ST3GAL3: variants seen among roughly 807,000 people sequenced by gnomAD.
ST3GAL3 encodes the protein CMP-N-acetylneuraminate-beta-1,4-galactoside alpha-2,3-sialyltransferase.
A neutral mutation model predicts 50.1 loss-of-function variants in ST3GAL3; 21 were observed. The observed-to-expected ratio is 0.42, with a 90% CI of 0.30 to 0.60. ST3GAL3 has a LOEUF of 0.60. Ranked by LOEUF, ST3GAL3 falls within the 20% of genes least tolerant of loss-of-function variation. ST3GAL3 has a pLI of 0.19. For missense variants in ST3GAL3, 353 were observed against 489.4 expected, an observed-to-expected ratio of 0.72 and a Z score of 2.63; for synonymous variants, 183 against 190.0, an observed-to-expected ratio of 0.96 and a Z score of 0.30.
intron 9 of ST3GAL3, among the ~76,000 whole-genome samples, chr1:43,907,718 C>T (rs898173239): frequency 1.2e-4 from 19 of 152,322 alleles, no homozygotes; most frequent in African/African-American, 3.6e-4. Flanking sequence ...TCTCCCTTCA[C>T]CTTCTCAGGA....
intron 2 of ST3GAL3, among the ~76,000 whole-genome samples, chr1:43,753,898 C>T (rs1687087322): frequency 6.6e-6 from 1 of 152,160 alleles, no homozygotes; most frequent in Admixed American, 6.5e-5. Context: ...TGTACTCCCT[C>T]CCGCCCAGAT....
intron 2 of ST3GAL3, among the ~76,000 whole-genome samples, chr1:43,751,231 C>G (rs1389364361): frequency 6.6e-6 from 1 of 152,094 alleles, no homozygotes; most frequent in East Asian, 1.9e-4. Context: ...ACCTTTCATG[C>G]TGGCAAAGAG....
Position 43,899,225 on chromosome 1 carries a change from T to C in ST3GAL3, c.519T>C (p.Ser173=). The C allele has an allele frequency of 6.2e-7, 1 of 1,614,202 alleles. No homozygotes were observed. The highest frequency in any genetic ancestry group is 8.5e-7 in the Non-Finnish European group (1 of 1,180,032). The change falls in exon 8 of 12, where the codon TCT becomes TCC. Residue 173 remains serine, a synonymous_variant. Coordinates refer to ENST00000347631, the MANE Select transcript of ST3GAL3 (RefSeq NM_006279.5). This position sits in a 1 kb window ranked among gnomAD's most constrained non-coding sequence, Gnocchi z 5.4. The part of the protein sequence containing the change: ...VGNGGVLANK[S]LGSRIDDYDI... Reference sequence around the variant, plus strand: ...ATGGAGGCGTTCTTGCCAACAAGTCTCTGGGGTCACGAATTGACGACTATG... The same window carrying C: ...ATGGAGGCGTTCTTGCCAACAAGTCCCTGGGGTCACGAATTGACGACTATG...
intron 5 of ST3GAL3, among the ~76,000 whole-genome samples, chr1:43,893,510 C>A (rs991228432): frequency 8.6e-5 from 13 of 150,948 alleles, no homozygotes; most frequent in Non-Finnish European, 1.5e-4. Flanking sequence ...TCAATTCCTG[C>A]TGCACCTTCT....
chr1:43,807,852 T>C (rs1207911478), intron 3 of ST3GAL3, among the ~76,000 whole-genome samples: 1 of 152,172 alleles, frequency 6.6e-6, no homozygotes, highest in Non-Finnish European at 1.5e-5. Flanking sequence ...TTTGGGCAGC[T>C]GGGTGAAGAG....
chr1:43,805,374 T>C (rs1377130166), intron 3 of ST3GAL3, among the ~76,000 whole-genome samples: 1 of 152,202 alleles, frequency 6.6e-6, no homozygotes, highest in African/African-American at 2.4e-5. Flanking sequence ...TTGCCTGCAA[T>C]GGGAGAAGAG....
intron 7 of ST3GAL3, 110 bp downstream of exon 7, chr1:43,898,408 C>G: frequency 6.5e-6 from 7 of 1,076,112 alleles, no homozygotes; most frequent in Non-Finnish European, 9.9e-6. Flanking sequence ...AGCACATCCA[C>G]ACATGCACAT....
chr1:43,872,748 T>C (rs763116565), intron 5 of ST3GAL3, among the ~76,000 whole-genome samples: 28 of 152,080 alleles, frequency 1.8e-4, no homozygotes, highest in South Asian at 4.2e-4. Flanking sequence ...AGAAACGATA[T>C]AGAAATAAGG....
intron 5 of ST3GAL3, among the ~76,000 whole-genome samples, chr1:43,884,715 C>T (rs1394433119): frequency 1.3e-5 from 2 of 152,202 alleles, no homozygotes; most frequent in Non-Finnish European, 2.9e-5. Context: ...GAACTCATTG[C>T]TGGGCTCTGC....
intron 2 of ST3GAL3, among the ~76,000 whole-genome samples, chr1:43,763,539 T>G (rs1230146706): frequency 6.6e-6 from 1 of 152,246 alleles, no homozygotes; most frequent in Non-Finnish European, 1.5e-5. Context: ...TTCTGCTGTT[T>G]TGTGCCTGGC....
chr1:43,811,109 T>G (rs1490256383), intron 3 of ST3GAL3, among the ~76,000 whole-genome samples: 5 of 152,202 alleles, frequency 3.3e-5, no homozygotes, highest in Non-Finnish European at 2.9e-5. Context: ...CTTCAATACA[T>G]CTGAAGTAAT....
chr1:43,863,714 C>A (rs917998721), intron 5 of ST3GAL3, among the ~76,000 whole-genome samples: 2 of 152,080 alleles, frequency 1.3e-5, no homozygotes, highest in Non-Finnish European at 2.9e-5. Context: ...CTGGGAGACC[C>A]CACAGAGGCC....
intron 9 of ST3GAL3, chr1:43,913,553 T>C (rs902181767): frequency 5.9e-5 from 9 of 152,198 alleles, no homozygotes; most frequent in African/African-American, 2.2e-4. Context: ...ACAGCTTTTT[T>C]TTTTAGGAAA....
intron 3 of ST3GAL3, among the ~76,000 whole-genome samples, chr1:43,808,750 C>A (rs905673425): frequency 3.3e-5 from 5 of 152,250 alleles, no homozygotes; most frequent in Middle Eastern, 6.8e-3. Flanking sequence ...TGTTACAGTT[C>A]CCCCTTGGAC....
chr1:43,787,412 C>T (rs12067914), intron 2 of ST3GAL3, among the ~76,000 whole-genome samples: 1 of 152,190 alleles, frequency 6.6e-6, no homozygotes, highest in African/African-American at 2.4e-5. Context: ...ATCTTACGTC[C>T]TTTAGAATAA....
At position 43,899,808 on chromosome 1, in the gene ST3GAL3, G is replaced by A; in HGVS notation, c.744+81G>A. The A allele has an allele frequency of 7.4e-7, 1 of 1,343,324 alleles. No homozygotes were observed. The highest frequency in any genetic ancestry group is 1.1e-6 in the Non-Finnish European group (1 of 942,372). 83.2% of individuals were successfully genotyped at this position (1,343,324 alleles called of 1,614,324 possible). A position where few individuals can be genotyped will look rare whatever the true frequency, so the allele number is the denominator to read the frequency against. ...TAAGCAATCCCGCCCCTTGAATGCA[G>A]CAAAGAACGAGTAAGAACCTTCAAA... On this transcript the variant is annotated intron_variant, in intron 9 of 11. Transcript: ENST00000347631. The surrounding 1 kb of genome is among the most constrained non-coding windows in gnomAD (Gnocchi z 5.4).
chr1:43,853,434 G>A (rs746040527), intron 5 of ST3GAL3, among the ~76,000 whole-genome samples: 1 of 152,176 alleles, frequency 6.6e-6, no homozygotes. Context: ...AGGAAATAAA[G>A]GCATAGAGAA....
At chr1:43,756,100 C>CAAAAAA (rs139101819) in intron 2 of ST3GAL3, among the ~76,000 whole-genome samples, 1,116 of 72,002 alleles carry the variant, frequency 0.015, 91 homozygotes, top group African/African-American at 0.075. Flanking sequence ...GAACCAGTCT[C>CAAAAAA]AAAAAAAAAA....
At chr1:43,815,344 C>T (rs531427151) in intron 4 of ST3GAL3, among the ~76,000 whole-genome samples, 1 of 152,278 alleles carries the variant, frequency 6.6e-6, no homozygotes, top group Admixed American at 6.5e-5. Context: ...CCAGTTTCAA[C>T]TCCTGCCACT....
Sources: gnomAD v4.1 joint callset for allele counts (sites outside exome capture counted in the v4.1 genomes callset) on GRCh38, gnomAD v4.1.1 for gene constraint, Gnocchi (gnomAD v3.1) non-coding constraint, MANE v1.5 for transcripts, NCBI Gene and HGNC (gene_info 2026-07-23, HGNC 2026-07-21) for gene names.